The following PRKAG2 variants were observed in gnomAD, a reference collection of about 807,000 sequenced individuals.
PRKAG2 encodes the protein 5'-AMP-activated protein kinase subunit gamma-2.
In PRKAG2, 26 loss-of-function variants were observed where a neutral mutation model predicts 69.6. That is an observed-to-expected ratio of 0.37 (90% CI 0.27 to 0.52). The LOEUF (loss-of-function observed/expected upper bound fraction) is 0.52. Ranked by LOEUF, PRKAG2 falls within the 20% of genes least tolerant of loss-of-function variation. The pLI, the probability that PRKAG2 is intolerant of heterozygous loss-of-function variation, is 0.90. For synonymous variants in PRKAG2, 293 were observed against 285.0 expected (o/e 1.03, Z -0.28); for missense variants, 557 against 740.0 (o/e 0.75, Z 2.87).
At chr7:151,658,194 T>TAAATAAATAAAA (rs1188245398) in intron 4 of PRKAG2, among the ~76,000 whole-genome samples, 47 of 133,852 alleles carry the variant, frequency 3.5e-4, no homozygotes, top group South Asian at 1.4e-3. Context: ...AATAAATAAA[T>TAAATAAATAAAA]AAGAATAATA....
chr7:151,616,801 CGTAAT>C (rs879657923), intron 5 of PRKAG2, among the ~76,000 whole-genome samples: 2 of 152,090 alleles, frequency 1.3e-5, no homozygotes, highest in African/African-American at 2.4e-5. Context: ...TCTAGGAAGA[CGTAAT>C]AGCATATACA....
chr7:151,858,990 C>T (rs563418903), intron 1 of PRKAG2, among the ~76,000 whole-genome samples: 1 of 152,356 alleles, frequency 6.6e-6, no homozygotes, highest in Admixed American at 6.5e-5. Flanking sequence ...AGCCCCATCC[C>T]TGGCCTCAGT....
At chr7:151,684,627 C>A (rs1346853540) in intron 3 of PRKAG2, among the ~76,000 whole-genome samples, 1 of 152,152 alleles carries the variant, frequency 6.6e-6, no homozygotes, top group African/African-American at 2.4e-5. Flanking sequence ...AAGCTCAGAG[C>A]CAGCTCTAGC....
chr7:151,670,617 G>T (rs577574952), intron 4 of PRKAG2, among the ~76,000 whole-genome samples: 7 of 152,284 alleles, frequency 4.6e-5, no homozygotes, highest in Admixed American at 1.3e-4. Context: ...AACGGAACGG[G>T]TTCTATCACA....
In PRKAG2 at chr7:151,876,783, GGCC is replaced by G. The variant is rs372738203; in HGVS notation, c.-166_-164del. The G allele has an allele frequency of 1.1e-4, 79 of 715,066 alleles. No individual in the cohort carries two copies. The highest frequency in any genetic ancestry group is 1.3e-4 in the Non-Finnish European group (53 of 417,172). 44.3% of individuals were successfully genotyped at this position (715,066 alleles called of 1,614,324 possible). A position where few individuals can be genotyped will look rare whatever the true frequency, so the allele number is the denominator to read the frequency against. On this transcript the variant is annotated 5_prime_UTR_variant, in exon 1 of 16. Transcript: ENST00000287878. ...GGGAGGGTGAGCAGGGAACTCGCGC[GGCC>G]GCCGCCGCCGCCGAAGCGCCGAATT...
intron 6 of PRKAG2, among the ~76,000 whole-genome samples, chr7:151,588,617 C>T (rs1813858242): frequency 6.6e-6 from 1 of 152,118 alleles, no homozygotes; most frequent in Non-Finnish European, 1.5e-5. Flanking sequence ...GCCTCGGCCT[C>T]CCAAAGTGCT....
intron 6 of PRKAG2, among the ~76,000 whole-genome samples, chr7:151,593,080 T>C (rs1813626504): frequency 6.6e-6 from 1 of 152,262 alleles, no homozygotes; most frequent in African/African-American, 2.4e-5. Flanking sequence ...CCATAAGGCA[T>C]TGCATTTTTC....
chr7:151,751,833 G>T (rs144758361), intron 3 of PRKAG2, among the ~76,000 whole-genome samples: 1 of 152,294 alleles, frequency 6.6e-6, no homozygotes, highest in East Asian at 1.9e-4. Flanking sequence ...TTCTATGTGG[G>T]TGTTTAGGTT....
chr7:151,733,076 A>G (rs1412396373), intron 3 of PRKAG2, among the ~76,000 whole-genome samples: 1 of 152,132 alleles, frequency 6.6e-6, no homozygotes, highest in Non-Finnish European at 1.5e-5. Context: ...CTTGGGAGGG[A>G]GGGCTTGGTC....
intron 5 of PRKAG2, among the ~76,000 whole-genome samples, chr7:151,630,303 A>G (rs1044860349): frequency 6.6e-6 from 1 of 152,230 alleles, no homozygotes; most frequent in Non-Finnish European, 1.5e-5. Flanking sequence ...GAAGAAGAAA[A>G]GGGACAGGAC....
At chr7:151,621,871 G>A (rs997242735) in intron 5 of PRKAG2, among the ~76,000 whole-genome samples, 9 of 152,118 alleles carry the variant, frequency 5.9e-5, no homozygotes, top group Non-Finnish European at 1.0e-4. Context: ...CACCATGCCC[G>A]GCCGGTGTGC....
intron 3 of PRKAG2, among the ~76,000 whole-genome samples, chr7:151,721,362 A>G (rs945517156): frequency 6.6e-6 from 1 of 152,040 alleles, no homozygotes; most frequent in Admixed American, 6.5e-5. Context: ...TGCCAACAGG[A>G]AAGGGCTGAA....
rs17643028 is a variant in PRKAG2, at chr7:151,583,401, C to T, written c.865-6949G>A. On this transcript the variant is annotated intron_variant, in intron 6 of 15. Coordinates refer to ENST00000287878, the MANE Select transcript of PRKAG2 (RefSeq NM_016203.4). This position sits in a 1 kb window ranked among gnomAD's most constrained non-coding sequence, Gnocchi z 4.1. ...CAGAGATCTCATATAATATTCCAAA[C>T]GGACATGATACTCGTACAATGCATT... 9.2e-5 allele frequency among the ~76,000 whole-genome samples: 14 copies of T among 152,050 alleles called. No individual in the cohort carries two copies. Among genetic ancestry groups the T allele is most frequent in the East Asian group, 5.8e-4 (3 of 5,198 alleles).
At chr7:151,838,104 G>A (rs1354199260) in intron 1 of PRKAG2, among the ~76,000 whole-genome samples, 1 of 152,126 alleles carries the variant, frequency 6.6e-6, no homozygotes, top group East Asian at 1.9e-4. Flanking sequence ...AGGAGAGGCT[G>A]GGCCCACATT....
chr7:151,596,117 G>A (rs954250727), intron 5 of PRKAG2, among the ~76,000 whole-genome samples: 20 of 152,338 alleles, frequency 1.3e-4, no homozygotes, highest in African/African-American at 4.8e-4. Flanking sequence ...GGAAGTCCTT[G>A]TCAGAGCAGT....
At chr7:151,616,743 T>C (rs1030251390) in intron 5 of PRKAG2, among the ~76,000 whole-genome samples, 2 of 152,208 alleles carry the variant, frequency 1.3e-5, no homozygotes, top group Admixed American at 6.5e-5. Flanking sequence ...GGATGTGAGC[T>C]GGATCCTGAA....
In PRKAG2 at chr7:151,777,604, A is replaced by G. The variant is rs117122620; in HGVS notation, c.466+3548T>C. 4.2e-3 allele frequency among the ~76,000 whole-genome samples: 637 copies of G among 152,298 alleles called. 32 individuals carry two copies. In the East Asian group the frequency reaches 0.1, roughly 25 times the overall value. On this transcript the variant is annotated intron_variant, in intron 3 of 15. Transcript: ENST00000287878. The surrounding 1 kb of genome is among the most constrained non-coding windows in gnomAD (Gnocchi z 4.3). ...TCCTCCATGAGTGGAAGCAGCCTGA[A>G]GCCCTTGCAAACACCTTGGCAGAGA...
intron 11 of PRKAG2, among the ~76,000 whole-genome samples, chr7:151,568,013 G>C (rs1444743808): frequency 6.6e-6 from 1 of 152,148 alleles, no homozygotes; most frequent in Non-Finnish European, 1.5e-5. Context: ...ACCTTCTACT[G>C]GTTCTATTTG....
chr7:151,673,167 G>A (rs1198073156), intron 4 of PRKAG2, among the ~76,000 whole-genome samples: 3 of 152,150 alleles, frequency 2.0e-5, no homozygotes, highest in African/African-American at 4.8e-5. Flanking sequence ...TCAGGGACTC[G>A]TGGAAGAGCC....
Sources: gnomAD v4.1 joint callset for allele counts (sites outside exome capture counted in the v4.1 genomes callset) on GRCh38, gnomAD v4.1.1 for gene constraint, Gnocchi (gnomAD v3.1) non-coding constraint, MANE v1.5 for transcripts, NCBI Gene and HGNC (gene_info 2026-07-23, HGNC 2026-07-21) for gene names.